TENM4: variants seen among roughly 807,000 people sequenced by gnomAD.
TENM4 encodes teneurin-4.
In TENM4, 82 loss-of-function variants were observed where a neutral mutation model predicts 243.3. That is an observed-to-expected ratio of 0.34 (90% CI 0.28 to 0.40). The LOEUF is 0.40. Ranked by LOEUF, TENM4 falls within the 10% of genes least tolerant of loss-of-function variation. The pLI is 1.00. For missense variants in TENM4, 3,138 were observed against 3,673.3 expected (o/e 0.85, Z 3.77); for synonymous variants, 1,412 against 1,456.3 (o/e 0.97, Z 0.69).
chr11:79,227,185 C>G (rs570163348), intron 2 of TENM4, among the ~76,000 whole-genome samples: 2 of 152,274 alleles, frequency 1.3e-5, no homozygotes, highest in South Asian at 4.1e-4. Context: ...TGACAGTCAC[C>G]CTACAAAATG....
chr11:79,210,210 G>A (rs1373440367), intron 3 of TENM4, among the ~76,000 whole-genome samples: 1 of 152,192 alleles, frequency 6.6e-6, no homozygotes, highest in East Asian at 1.9e-4. Context: ...AGTTCTCATC[G>A]CCAGCCAGGA....
At chr11:79,162,928 G>T (rs750665997) in intron 3 of TENM4, among the ~76,000 whole-genome samples, 2 of 152,224 alleles carry the variant, frequency 1.3e-5, no homozygotes, top group African/African-American at 2.4e-5. Context: ...TACAAGGCTG[G>T]CTGACTCTTC....
rs544268052 is a variant in TENM4 at position 79,364,000 on chromosome 11, T to C, written c.-320-66457A>G. Among the ~76,000 whole-genome samples, 9 of 152,340 alleles carry C rather than the reference T, an allele frequency of 5.9e-5. No homozygotes were observed. In the South Asian group the frequency reaches 1.7e-3, roughly 28 times the overall value. On this transcript the variant is annotated intron_variant, in intron 1 of 33. Coordinates refer to ENST00000278550, the MANE Select transcript of TENM4 (RefSeq NM_001098816.3). The stretch of plus-strand genomic sequence containing the variant: ...TCAACTTAATGTTCAATTACTTTGA[T>C]GTTTTCACTTGGAGCTGTTGGCTGT...
At chr11:79,364,782 T>A (rs149374504) in intron 1 of TENM4, among the ~76,000 whole-genome samples, 131 of 152,342 alleles carry the variant, frequency 8.6e-4, no homozygotes, top group African/African-American at 3.1e-3. Flanking sequence ...CTAACACTCA[T>A]GCCTGTGGTC....
chr11:79,015,646 A>T (rs563120638), intron 6 of TENM4, among the ~76,000 whole-genome samples: 10 of 152,284 alleles, frequency 6.6e-5, no homozygotes, highest in African/African-American at 2.2e-4. Flanking sequence ...GAAAGGCGAA[A>T]AACTAATTCC....
chr11:79,232,999 C>G (rs945910932), intron 2 of TENM4, among the ~76,000 whole-genome samples: 5 of 152,184 alleles, frequency 3.3e-5, no homozygotes, highest in Non-Finnish European at 7.3e-5. Context: ...TTGCCAGGAA[C>G]CACCCTTCCC....
chr11:79,012,838 C>G (rs924502958), intron 6 of TENM4, among the ~76,000 whole-genome samples: 1 of 152,178 alleles, frequency 6.6e-6, no homozygotes, highest in Non-Finnish European at 1.5e-5. Flanking sequence ...GGCACCAGTG[C>G]ACTCCATCTC....
At chr11:78,785,529 G>A (rs1343992299) in intron 16 of TENM4, among the ~76,000 whole-genome samples, 3 of 152,120 alleles carry the variant, frequency 2.0e-5, no homozygotes, top group Non-Finnish European at 2.9e-5. Flanking sequence ...TTGAAGTTCC[G>A]TGACCTTAAG....
Position 78,653,542 on chromosome 11 carries a change from T to C in TENM4, c.*4516A>G, listed in dbSNP as rs1378883915. On this transcript the variant is annotated 3_prime_UTR_variant, in exon 34 of 34. Transcript: ENST00000278550. Reference sequence around the variant, plus strand: ...CAGTGTTGGTCATCCAGAAGCAGCTTGGTACAGACTCCTTTTGCCGAAGCT... The same window carrying C: ...CAGTGTTGGTCATCCAGAAGCAGCTCGGTACAGACTCCTTTTGCCGAAGCT... 1 of 152,208 alleles carries C rather than the reference T, an allele frequency of 6.6e-6. No individual in the cohort carries two copies. The highest frequency in any genetic ancestry group is 1.5e-5 in the Non-Finnish European group (1 of 68,042). 9.4% of individuals were successfully genotyped at this position (152,208 alleles called of 1,614,324 possible).
intron 1 of TENM4, among the ~76,000 whole-genome samples, chr11:79,400,016 T>C (rs996945040): frequency 6.6e-6 from 1 of 151,952 alleles, no homozygotes; most frequent in African/African-American, 2.4e-5. Context: ...CAGAGAGCTA[T>C]CAAGTCTCTG....
At chr11:79,156,341 AGATT>A (rs1261849499) in intron 3 of TENM4, among the ~76,000 whole-genome samples, 2 of 152,216 alleles carry the variant, frequency 1.3e-5, no homozygotes, top group South Asian at 2.1e-4. Flanking sequence ...CAGCATGGAT[AGATT>A]GATTCCTCTC....
intron 3 of TENM4, among the ~76,000 whole-genome samples, chr11:79,182,631 A>G (rs2135143391): frequency 6.6e-6 from 1 of 152,298 alleles, no homozygotes; most frequent in Non-Finnish European, 1.5e-5. Context: ...GAATGAGAAG[A>G]CAAGCCATAG....
intron 12 of TENM4, among the ~76,000 whole-genome samples, chr11:78,842,151 C>T (rs1217395085): frequency 6.6e-6 from 1 of 152,214 alleles, no homozygotes; most frequent in Non-Finnish European, 1.5e-5. Context: ...CTGCCAACAA[C>T]TAACTTCCAC....
intron 6 of TENM4, among the ~76,000 whole-genome samples, chr11:78,941,416 G>T (rs2136456679): frequency 6.6e-6 from 1 of 152,338 alleles, no homozygotes; most frequent in Non-Finnish European, 1.5e-5. Flanking sequence ...TATAGGTGAA[G>T]GCCTAGGGAC....
chr11:79,271,194 C>T (rs1278069840), intron 2 of TENM4, among the ~76,000 whole-genome samples: 4 of 152,100 alleles, frequency 2.6e-5, no homozygotes, highest in Non-Finnish European at 5.9e-5. Flanking sequence ...AAGCAAGCTG[C>T]AAGGGGAACA....
rs11433535 is a variant in TENM4, at chr11:78,782,772, T to TAAA, written c.2365+4123_2365+4125dup. On this transcript the variant is annotated intron_variant, in intron 16 of 33. Transcript: ENST00000278550. ...CAGAGTGAGACTCTGTCTTTTTTTT[T>TAAA]AAAAAAAAAAAAACTGGACAAAGCA... Among the ~76,000 whole-genome samples the TAAA allele has an allele frequency of 5.4e-3, 799 of 146,864 alleles. 9 individuals carry two copies. Among genetic ancestry groups the TAAA allele is most frequent in the African/African-American group, 0.017 (676 of 39,776 alleles).
chr11:78,720,285 C>G, intron 25 of TENM4, 85 bp downstream of exon 25: 1 of 1,475,410 alleles, frequency 6.8e-7, no homozygotes, highest in Non-Finnish European at 9.5e-7. Flanking sequence ...TGCCATACAG[C>G]CATTTGAAAT....
chr11:79,090,528 A>T (rs149521583), intron 4 of TENM4, among the ~76,000 whole-genome samples: 1 of 152,318 alleles, frequency 6.6e-6, no homozygotes, highest in African/African-American at 2.4e-5. Context: ...ATTGCATTCC[A>T]CTGAAGGGAG....
chr11:79,319,412 T>C (rs2135425563), intron 1 of TENM4, among the ~76,000 whole-genome samples: 1 of 152,204 alleles, frequency 6.6e-6, no homozygotes, highest in South Asian at 2.1e-4. Flanking sequence ...TCAGAGCACA[T>C]AAGGGAAGTG....
Sources: gnomAD v4.1 joint callset for allele counts (sites outside exome capture counted in the v4.1 genomes callset) on GRCh38, gnomAD v4.1.1 for gene constraint, MANE v1.5 for transcripts, NCBI Gene and HGNC (gene_info 2026-07-23, HGNC 2026-07-21) for gene names.